The following RARB variants were observed in gnomAD, a reference collection of about 807,000 sequenced individuals.
RARB encodes the protein HBV-activated protein.
A neutral mutation model predicts 51.9 loss-of-function variants in RARB; 17 were observed. The observed-to-expected ratio is 0.33, with a 90% CI of 0.22 to 0.49. The LOEUF (loss-of-function observed/expected upper bound fraction) is 0.49, where lower values mean the gene tolerates loss of function less well. RARB is among the 20% of genes least tolerant of loss of function. RARB has a pLI of 0.99. For synonymous variants in RARB, 215 were observed against 195.4 expected (o/e 1.10, Z -0.84); for missense variants, 369 against 550.8 (o/e 0.67, Z 3.30).
rs780748092 is a variant in RARB at position 25,352,640 on chromosome 3, T to C, written c.179-108553T>C. ...CAATTTGGTTAACTAATTAGCTTATTGCTCATTTTTCTCAAAATGGACCTA... is the reference window on the plus strand; with the variant it reads ...CAATTTGGTTAACTAATTAGCTTATCGCTCATTTTTCTCAAAATGGACCTA... On this transcript the variant is annotated intron_variant, in intron 5 of 11. Transcript: ENST00000383772. 2.2e-4 allele frequency among the ~76,000 whole-genome samples: 34 copies of C among 152,354 alleles called. No individual in the cohort carries two copies. In the Middle Eastern group the frequency reaches 0.01, roughly 46 times the overall value.
intron 5 of RARB, among the ~76,000 whole-genome samples, chr3:25,356,747 G>C (rs754797439): frequency 7.2e-5 from 11 of 152,042 alleles, no homozygotes; most frequent in Non-Finnish European, 1.5e-4. Flanking sequence ...TCCTAATTAT[G>C]AGTGAGAATA....
At chr3:24,996,296 CT>C (rs1225062318) in intron 2 of RARB, among the ~76,000 whole-genome samples, 1 of 151,888 alleles carries the variant, frequency 6.6e-6, no homozygotes, top group African/African-American at 2.4e-5. Flanking sequence ...ATGGTATTCA[CT>C]GTGATGTGTC....
At chr3:25,245,867 C>G (rs1559521341) in intron 5 of RARB, among the ~76,000 whole-genome samples, 2 of 152,076 alleles carry the variant, frequency 1.3e-5, no homozygotes, top group African/African-American at 4.8e-5. Context: ...GTTGGCCTGT[C>G]TTGCTGGGTC....
At chr3:25,459,170 T>G (rs946226638) in intron 1 of RARB, among the ~76,000 whole-genome samples, 15 of 152,174 alleles carry the variant, frequency 9.9e-5, no homozygotes, top group African/African-American at 3.4e-4. Flanking sequence ...TGACCAGGAA[T>G]GGAGAGGGGC....
chr3:25,353,346 C>T (rs991673339), intron 5 of RARB, among the ~76,000 whole-genome samples: 1 of 152,156 alleles, frequency 6.6e-6, no homozygotes, highest in African/African-American at 2.4e-5. Flanking sequence ...AGTAGGGTGT[C>T]AGTGGAAACT....
intron 2 of RARB, among the ~76,000 whole-genome samples, chr3:25,032,104 T>C (rs1697888118): frequency 6.6e-6 from 1 of 152,214 alleles, no homozygotes. Context: ...TTTTTCTCCC[T>C]AAAAAACTAT....
intron 4 of RARB, among the ~76,000 whole-genome samples, chr3:25,172,341 C>T (rs115472344): frequency 0.017 from 2,611 of 152,130 alleles, 35 homozygotes; most frequent in Middle Eastern, 0.044. Flanking sequence ...TCTGGCTTAG[C>T]GAGGGCTTAC....
intron 1 of RARB, among the ~76,000 whole-genome samples, chr3:25,445,494 G>A (rs1708889767): frequency 6.6e-6 from 1 of 152,012 alleles, no homozygotes; most frequent in Non-Finnish European, 1.5e-5. Flanking sequence ...GTGAAACCCT[G>A]TCTATACTGA....
At chr3:24,897,638 G>A (rs1703505548) in intron 2 of RARB, among the ~76,000 whole-genome samples, 1 of 151,996 alleles carries the variant, frequency 6.6e-6, no homozygotes, top group African/African-American at 2.4e-5. Context: ...TTACGTGGTG[G>A]TTATTCTTTT....
chr3:25,099,434 A>C (rs935828607), intron 3 of RARB, among the ~76,000 whole-genome samples: 1 of 152,122 alleles, frequency 6.6e-6, no homozygotes, highest in Non-Finnish European at 1.5e-5. Context: ...GAAGCATTTC[A>C]TTTATAATGT....
chr3:25,206,529 C>G (rs566531936), intron 5 of RARB, among the ~76,000 whole-genome samples: 4 of 152,036 alleles, frequency 2.6e-5, no homozygotes, highest in Non-Finnish European at 5.9e-5. Flanking sequence ...TTGAACCTTT[C>G]GAGAAAATCT....
At chr3:24,996,875 C>T (rs1430524370) in intron 2 of RARB, among the ~76,000 whole-genome samples, 1 of 152,038 alleles carries the variant, frequency 6.6e-6, no homozygotes, top group East Asian at 1.9e-4. Context: ...TGTGTGCTAA[C>T]ATATAGCCAG....
chr3:25,312,610 C>A (rs1704316993), intron 5 of RARB, among the ~76,000 whole-genome samples: 1 of 152,074 alleles, frequency 6.6e-6, no homozygotes, highest in Non-Finnish European at 1.5e-5. Context: ...CAAATAGAAG[C>A]CTGAGATAAT....
intron 3 of RARB, among the ~76,000 whole-genome samples, chr3:25,097,753 C>T (rs1319119815): frequency 6.6e-6 from 1 of 152,192 alleles, no homozygotes; most frequent in Non-Finnish European, 1.5e-5. Flanking sequence ...TCACTGCCCT[C>T]ACCTCCTCAT....
chr3:25,370,680 G>T (rs576790113), intron 5 of RARB, among the ~76,000 whole-genome samples: 1 of 152,186 alleles, frequency 6.6e-6, no homozygotes, highest in Non-Finnish European at 1.5e-5. Flanking sequence ...AGGAGGCAGA[G>T]GCCAATGCCA....
chr3:25,051,172 C>T (rs1410547582), intron 2 of RARB, among the ~76,000 whole-genome samples: 3 of 152,106 alleles, frequency 2.0e-5, no homozygotes, highest in African/African-American at 7.2e-5. Flanking sequence ...CTGATTATCA[C>T]AGAGGAAAAG....
At chr3:25,112,883 AAT>A (rs1192408673) in intron 3 of RARB, among the ~76,000 whole-genome samples, 2 of 152,194 alleles carry the variant, frequency 1.3e-5, no homozygotes. Context: ...TGGTGTAAAA[AAT>A]ACACAGATGT....
chr3:25,088,331 A>T (rs1699137630), intron 3 of RARB, among the ~76,000 whole-genome samples: 1 of 152,070 alleles, frequency 6.6e-6, no homozygotes, highest in Admixed American at 6.6e-5. Context: ...TCCCAACTCC[A>T]TTGTTGTCTG....
intron 5 of RARB, among the ~76,000 whole-genome samples, chr3:25,411,322 G>A (rs559280552): frequency 6.6e-6 from 1 of 152,264 alleles, no homozygotes; most frequent in African/African-American, 2.4e-5. Context: ...TGGTGAATCA[G>A]TGATTTTATG....
Sources: gnomAD v4.1 joint callset for allele counts (sites outside exome capture counted in the v4.1 genomes callset) on GRCh38, gnomAD v4.1.1 for gene constraint, MANE v1.5 for transcripts, NCBI Gene and HGNC (gene_info 2026-07-23, HGNC 2026-07-21) for gene names.